GPHN: variants seen among roughly 807,000 people sequenced by gnomAD.
GPHN encodes gephyrin.
GPHN carries 17 observed loss-of-function variants against 95.5 expected under a neutral mutation model. The observed-to-expected ratio is 0.18, with a 90% CI of 0.12 to 0.27. The LOEUF is 0.27. GPHN is among the 10% of genes least tolerant of loss of function. The pLI is 1.00. For missense variants in GPHN, 660 were observed against 978.1 expected, an observed-to-expected ratio of 0.67 and a Z score of 4.34; for synonymous variants, 320 against 322.5, an observed-to-expected ratio of 0.99 and a Z score of 0.08.
the GPHN span, chr14:67,659,988 A>C: frequency 5.4e-6 from 8 of 1,473,860 alleles, no homozygotes; most frequent in African/African-American, 1.1e-4. Flanking sequence ...AAATATGCCT[A>C]GTTTGGACTA....
chr14:66,763,575 A>C (rs1053484799), intron 2 of GPHN, among the ~76,000 whole-genome samples: 1 of 151,456 alleles, frequency 6.6e-6, no homozygotes, highest in Non-Finnish European at 1.5e-5. Flanking sequence ...TGAACTCATC[A>C]TTTTTTATGG....
the GPHN span, chr14:67,734,124 C>T: frequency 2.9e-6 from 1 of 350,088 alleles, no homozygotes; most frequent in Non-Finnish European, 5.6e-6. Context: ...AGATCCCAGG[C>T]TGGGCATGGG....
chr14:67,245,306 T>C, the GPHN span, among the ~76,000 whole-genome samples: 51 of 152,300 alleles, frequency 3.3e-4, no homozygotes, highest in African/African-American at 1.2e-3. Context: ...TACATTCCTG[T>C]CAGCACTTGG....
At chr14:67,652,013 T>A in the GPHN span, among the ~76,000 whole-genome samples, 1 of 152,244 alleles carries the variant, frequency 6.6e-6, no homozygotes, top group Non-Finnish European at 1.5e-5. Context: ...TCATGTTCAC[T>A]CTAGGTTTCT....
the GPHN span, among the ~76,000 whole-genome samples, chr14:67,398,505 C>T: frequency 1.3e-5 from 2 of 152,258 alleles, no homozygotes; most frequent in South Asian, 2.1e-4. Flanking sequence ...CTGAGAACCA[C>T]CTAAATGACC....
the GPHN span, among the ~76,000 whole-genome samples, chr14:67,330,868 G>C: frequency 3.3e-4 from 50 of 152,310 alleles, 1 homozygote; most frequent in African/African-American, 1.2e-3. Flanking sequence ...CAGGTGGTCA[G>C]ACCCTGAAAG....
chr14:66,794,489 T>C (rs1220885773), intron 3 of GPHN, among the ~76,000 whole-genome samples: 2 of 152,108 alleles, frequency 1.3e-5, no homozygotes, highest in African/African-American at 4.8e-5. Flanking sequence ...TATAGCAATA[T>C]GAGAATGGAC....
At chr14:67,380,064 A>C in the GPHN span, among the ~76,000 whole-genome samples, 4 of 152,086 alleles carry the variant, frequency 2.6e-5, no homozygotes, top group African/African-American at 9.7e-5. Flanking sequence ...AGCCTTATGT[A>C]TCATAACTTT....
At chr14:67,355,803 G>C in the GPHN span, among the ~76,000 whole-genome samples, 1 of 151,684 alleles carries the variant, frequency 6.6e-6, no homozygotes, top group East Asian at 1.9e-4. Context: ...GACCAGCCTG[G>C]GAAACAAGGT....
the GPHN span, among the ~76,000 whole-genome samples, chr14:67,368,144 T>G: frequency 6.6e-6 from 1 of 152,054 alleles, no homozygotes; most frequent in East Asian, 1.9e-4. Flanking sequence ...CACAAGGAAC[T>G]AGGGGAAAAA....
rs2063510240 is a variant in GPHN, at chr14:66,625,932, G to A, written c.65-55175G>A. 2.0e-5 allele frequency among the ~76,000 whole-genome samples: 3 copies of A among 152,160 alleles called. No individual in the cohort carries two copies. In the South Asian group the frequency reaches 6.2e-4, roughly 31 times the overall value. Reference sequence around the variant, plus strand: ...ATAACCCAGTGGACTTCATTGTAGGGTTATTAGGTAGGTATCCAGAGGTAC... The same window carrying A: ...ATAACCCAGTGGACTTCATTGTAGGATTATTAGGTAGGTATCCAGAGGTAC... On this transcript the variant is annotated intron_variant, in intron 1 of 22. Coordinates refer to ENST00000478722, the MANE Select transcript of GPHN (RefSeq NM_020806.5).
intron 1 of GPHN, among the ~76,000 whole-genome samples, chr14:66,548,058 C>T (rs1186187388): frequency 6.6e-6 from 1 of 151,658 alleles, no homozygotes; most frequent in Non-Finnish European, 1.5e-5. Context: ...TTTTTAACAA[C>T]GTGTACTCAC....
chr14:67,374,360 AATAATT>A, the GPHN span: 1 of 561,130 alleles, frequency 1.8e-6, no homozygotes, highest in Non-Finnish European at 3.1e-6. Flanking sequence ...TTTAGTAGGA[AATAATT>A]ATAAGTATGC....
At chr14:67,193,066 A>AGATATAGATATATCTCTATATCTC in the GPHN span, among the ~76,000 whole-genome samples, 2 of 142,164 alleles carry the variant, frequency 1.4e-5, no homozygotes, top group African/African-American at 5.2e-5. Context: ...CTCTATATCT[A>AGATATAGATATATCTCTATATCTC]TATATATCCA....
chr14:67,084,632 C>G (rs965652859), intron 11 of GPHN, among the ~76,000 whole-genome samples: 1 of 152,122 alleles, frequency 6.6e-6, no homozygotes, highest in Non-Finnish European at 1.5e-5. Context: ...TCAGCCAGGC[C>G]CTACGGGTAT....
chr14:67,585,330 C>T, the GPHN span: 1 of 502,198 alleles, frequency 2.0e-6, no homozygotes, highest in Non-Finnish European at 3.6e-6. Context: ...GAATGATCGC[C>T]TCTGCCTTTG....
intron 5 of GPHN, among the ~76,000 whole-genome samples, chr14:66,913,503 G>T (rs774025903): frequency 6.6e-6 from 1 of 151,886 alleles, no homozygotes; most frequent in Non-Finnish European, 1.5e-5. Flanking sequence ...TACCACACCC[G>T]GCTAATTTTT....
chr14:67,316,934 G>GAA, the GPHN span: 1 of 1,542,642 alleles, frequency 6.5e-7, no homozygotes, highest in Non-Finnish European at 8.9e-7. Context: ...ATAAGTAAAT[G>GAA]GTTTCTTGGG....
chr14:66,888,328 C>G (rs1258785808), intron 5 of GPHN, among the ~76,000 whole-genome samples: 4 of 152,052 alleles, frequency 2.6e-5, no homozygotes, highest in Admixed American at 6.5e-5. Context: ...AAAAAACTCC[C>G]TATCTATAGA....
Sources: gnomAD v4.1 joint callset for allele counts (sites outside exome capture counted in the v4.1 genomes callset) on GRCh38, gnomAD v4.1.1 for gene constraint, MANE v1.5 for transcripts, NCBI Gene and HGNC (gene_info 2026-07-23, HGNC 2026-07-21) for gene names.